Variants in MYOM2 observed in about 807,000 individuals in gnomAD.
MYOM2 encodes the protein myomesin-2.
A neutral mutation model predicts 187.6 loss-of-function variants in MYOM2; 254 were observed. The ratio of observed to expected loss-of-function variants is 1.35; its 90% CI spans 1.22 to 1.50. The LOEUF (loss-of-function observed/expected upper bound fraction) is 1.50. Ranked by LOEUF, MYOM2 falls within the 40% of genes most tolerant of loss-of-function variation. The probability of loss-of-function intolerance (pLI) is 0.00; values close to 1 mark genes in which losing one functional copy is unlikely to be tolerated. For synonymous variants in MYOM2, 981 were observed against 753.8 expected, an observed-to-expected ratio of 1.30 and a Z score of -4.94; for missense variants, 2,796 against 1,924.0, an observed-to-expected ratio of 1.45 and a Z score of -8.48.
intron 32 of MYOM2, among the ~76,000 whole-genome samples, chr8:2,136,117 G>C (rs1262422231): frequency 1.3e-5 from 2 of 152,234 alleles, no homozygotes; most frequent in Non-Finnish European, 2.9e-5. Context: ...CCCAGTCCAA[G>C]AGAAGTGTGT....
At chr8:2,047,768 T>G (rs1200599005) in intron 1 of MYOM2, among the ~76,000 whole-genome samples, 1 of 151,856 alleles carries the variant, frequency 6.6e-6, no homozygotes, top group African/African-American at 2.4e-5. Context: ...ACCATTGGAG[T>G]GAGGATTGCA....
chr8:2,114,528 C>T (rs1279909009), intron 25 of MYOM2, among the ~76,000 whole-genome samples: 3 of 152,184 alleles, frequency 2.0e-5, no homozygotes, highest in Admixed American at 6.5e-5. Flanking sequence ...GGCTGGAGTG[C>T]AGTGACTGTG....
At chr8:2,067,787 C>T (rs1041359010) in intron 6 of MYOM2, among the ~76,000 whole-genome samples, 3 of 152,122 alleles carry the variant, frequency 2.0e-5, no homozygotes, top group Non-Finnish European at 2.9e-5. Context: ...GATAAACACA[C>T]ATCAGTGTCT....
At chr8:2,096,659 C>T (rs1563052329) in intron 18 of MYOM2, among the ~76,000 whole-genome samples, 2 of 152,152 alleles carry the variant, frequency 1.3e-5, no homozygotes, top group South Asian at 4.1e-4. Context: ...ATGGAGTGGG[C>T]CTGACAGTGA....
At chr8:2,121,055 A>T (rs1201734959) in intron 28 of MYOM2, among the ~76,000 whole-genome samples, 9 of 152,076 alleles carry the variant, frequency 5.9e-5, no homozygotes, top group Non-Finnish European at 2.9e-5. Flanking sequence ...TGAAAAGCAT[A>T]ATGGACATTT....
Position 2,073,434 on chromosome 8 carries a change from C to CTGTACA in MYOM2, c.1055_1060dup (p.Tyr353_Thr354insMetTyr). ...CCACCTGCACAAGGACGACGAGGGCCTGTACACCCTGCGCATCGTGTCTCG... is the reference window on the plus strand; with the variant it reads ...CCACCTGCACAAGGACGACGAGGGCCTGTACATGTACACCCTGCGCATCGTGTCTCG... On this transcript the variant is annotated inframe_insertion, in exon 10 of 37. Coordinates refer to ENST00000262113, the MANE Select transcript of MYOM2 (RefSeq NM_003970.4). 1.2e-6 allele frequency: 2 copies of CTGTACA among 1,612,730 alleles called. No homozygotes were observed. Among genetic ancestry groups the CTGTACA allele is most frequent in the Non-Finnish European group, 1.7e-6 (2 of 1,179,854 alleles).
At chr8:2,124,865 T>A (rs942437901) in intron 31 of MYOM2, among the ~76,000 whole-genome samples, 1 of 152,214 alleles carries the variant, frequency 6.6e-6, no homozygotes, top group Non-Finnish European at 1.5e-5. Context: ...ATTTTTCAAG[T>A]ATCTGTTGGC....
chr8:2,105,070 C>T (rs547923004), intron 21 of MYOM2, among the ~76,000 whole-genome samples: 3 of 152,268 alleles, frequency 2.0e-5, no homozygotes, highest in East Asian at 1.9e-4. Flanking sequence ...GAGTGCTGCC[C>T]CCAGTCATTA....
chr8:2,089,871 C>T (rs990150061), intron 14 of MYOM2, 137 bp from the exon 15 acceptor site: 4 of 633,588 alleles, frequency 6.3e-6, no homozygotes, highest in African/African-American at 1.9e-5. Flanking sequence ...GATGCATGAC[C>T]ATCCTTTGTG....
In MYOM2 at chr8:2,085,439, C is replaced by T. The variant is rs193212460; in HGVS notation, c.1644+49C>T. On this transcript the variant is annotated intron_variant, in intron 14 of 36. Coordinates refer to ENST00000262113, the MANE Select transcript of MYOM2 (RefSeq NM_003970.4). ...GAAAAGTAGATCTCTGCATGGCCCC[C>T]CACTGTCATGATCTCTGCGTGGCCC... 6.3e-4 allele frequency: 993 copies of T among 1,585,908 alleles called. 5 individuals are homozygous for T. The highest frequency in any genetic ancestry group is 4.5e-3 in the East Asian group (193 of 43,314).
Position 2,052,386 on chromosome 8 carries a change from G to C in MYOM2, c.263+73G>C, listed in dbSNP as rs560988483. On this transcript the variant is annotated intron_variant, in intron 3 of 36. Transcript: ENST00000262113. ...CAGTGGAGGGACAGTGGGGTGAGGA[G>C]GGAAGAGCGACCTTAGCTGAGAGGG... 5.5e-6 allele frequency: 8 copies of C among 1,460,074 alleles called. No individual in the cohort carries two copies. The African/African-American group carries it at 1.0e-4, about 18-fold the overall frequency. The allele number at this position is 1,460,074 out of a possible 1,614,324, so 90.4% of individuals were successfully genotyped here. A position where few individuals can be genotyped will look rare whatever the true frequency, so the allele number is the denominator to read the frequency against.
At chr8:2,057,589 C>T in intron 4 of MYOM2, 34 bp from the exon 5 acceptor site, 2 of 1,613,430 alleles carry the variant, frequency 1.2e-6, no homozygotes, top group Middle Eastern at 1.6e-4. Context: ...GGCTCGCTGC[C>T]TGGGAACCTG....
At chr8:2,099,656 G>A (rs1039369733) in intron 19 of MYOM2, among the ~76,000 whole-genome samples, 2 of 152,192 alleles carry the variant, frequency 1.3e-5, no homozygotes, top group African/African-American at 4.8e-5. Context: ...CTGGGCTCAA[G>A]CCATCTTCCT....
At chr8:2,079,117 G>C (rs952075805) in intron 12 of MYOM2, among the ~76,000 whole-genome samples, 184 bp downstream of exon 12, 1 of 152,264 alleles carries the variant, frequency 6.6e-6, no homozygotes, top group South Asian at 2.1e-4. Context: ...GAATGAAAAC[G>C]GGCTGACGTA....
intron 24 of MYOM2, among the ~76,000 whole-genome samples, 164 bp downstream of exon 24, chr8:2,108,994 C>G (rs919511644): frequency 6.6e-6 from 1 of 152,112 alleles, no homozygotes; most frequent in Non-Finnish European, 1.5e-5. Context: ...CAAATATTAG[C>G]TTATATTATA....
chr8:2,117,869 C>CTTTTTTTTT lies in MYOM2; in HGVS notation c.3386-10_3386-9insTTTTTTTTT. On this transcript the variant is annotated splice_polypyrimidine_tract_variant and intron_variant, in intron 27 of 36. Coordinates refer to ENST00000262113, the MANE Select transcript of MYOM2 (RefSeq NM_003970.4). ...TTTCCTTTTTTATATGTTTTCTTCCCTTTTTTCCTCCCTAGGCCCTCATTT... is the reference window on the plus strand; with the variant it reads ...TTTCCTTTTTTATATGTTTTCTTCCCTTTTTTTTTTTTTTTCCTCCCTAGGCCCTCATTT... 6.3e-7 allele frequency: 1 copy of CTTTTTTTTT among 1,588,892 alleles called. No individual in the cohort carries two copies. Among genetic ancestry groups the CTTTTTTTTT allele is most frequent in the African/African-American group, 1.4e-5 (1 of 73,730 alleles).
intron 25 of MYOM2, among the ~76,000 whole-genome samples, chr8:2,111,735 C>A (rs1797074542): frequency 6.6e-6 from 1 of 152,182 alleles, no homozygotes; most frequent in African/African-American, 2.4e-5. Context: ...GTGCTTCCTG[C>A]AGTTGAGCCA....
chr8:2,145,302 C>A lies in MYOM2; in HGVS notation c.*321C>A. On this transcript the variant is annotated 3_prime_UTR_variant, in exon 37 of 37. Transcript: ENST00000262113. ...CATGGGTGTGGCACCTGGACGTGTG[C>A]AGCATGTGGCGGTCTGTGTGAAGCC... 2 of 461,126 alleles carry A rather than the reference C, an allele frequency of 4.3e-6. No individual in the cohort carries two copies. Among genetic ancestry groups the A allele is most frequent in the Non-Finnish European group, 7.7e-6 (2 of 261,412 alleles). 28.6% of individuals were successfully genotyped at this position (461,126 alleles called of 1,614,324 possible).
intron 15 of MYOM2, among the ~76,000 whole-genome samples, chr8:2,090,530 G>A (rs1253579638): frequency 1.3e-5 from 2 of 152,262 alleles, no homozygotes; most frequent in East Asian, 1.9e-4. Flanking sequence ...AGGTAAACTT[G>A]TGTCATGGGG....
Sources: allele counts gnomAD v4.1 joint callset (sites outside exome capture counted in the v4.1 genomes callset), GRCh38; gene constraint gnomAD v4.1.1; transcripts MANE v1.5; gene names NCBI Gene and HGNC (gene_info 2026-07-23, HGNC 2026-07-21).